NUMB: variants seen among roughly 807,000 people sequenced by gnomAD.
NUMB encodes protein numb homolog.
A neutral mutation model predicts 59.7 loss-of-function variants in NUMB; 29 were observed. The observed-to-expected ratio is 0.49, with a 90% confidence interval of 0.36 to 0.66. The LOEUF (loss-of-function observed/expected upper bound fraction) is 0.66. Among genes scored for constraint, NUMB ranks in the 30% least tolerant of loss-of-function variants. The pLI is 0.00. For synonymous variants in NUMB, 288 were observed against 288.2 expected (o/e 1.00, Z 0.01); for missense variants, 723 against 822.0 (o/e 0.88, Z 1.47).
At position 73,443,884 on chromosome 14, in the gene NUMB, A is replaced by T. The variant is rs117052326; in HGVS notation, c.-233+14609T>A. On this transcript the variant is annotated intron_variant, in intron 1 of 12. Coordinates refer to ENST00000555238, the MANE Select transcript of NUMB (RefSeq NM_001005743.2). ...CCCTCTCGAACTCCTGAGCTCAAGC[A>T]ATCTGCCCTCCTCCACCTCCCAAAG... Among the ~76,000 whole-genome samples the T allele has an allele frequency of 4.2e-3, 635 of 151,860 alleles. 12 individuals are homozygous for T. In the East Asian group the frequency reaches 0.053, roughly 13 times the overall value.
intron 1 of NUMB, among the ~76,000 whole-genome samples, chr14:73,416,173 G>A (rs1259496972): frequency 2.0e-5 from 3 of 152,174 alleles, no homozygotes; most frequent in Non-Finnish European, 4.4e-5. Flanking sequence ...TCTGCCACTA[G>A]AGGAACAGAT....
intron 4 of NUMB, among the ~76,000 whole-genome samples, chr14:73,331,521 C>A (rs1181394414): frequency 6.6e-6 from 1 of 152,056 alleles, no homozygotes; most frequent in African/African-American, 2.4e-5. Flanking sequence ...GCACTCCAGC[C>A]TGGGCAACAG....
At chr14:73,288,671 C>A (rs1431377647) in intron 8 of NUMB, among the ~76,000 whole-genome samples, 1 of 152,042 alleles carries the variant, frequency 6.6e-6, no homozygotes, top group Non-Finnish European at 1.5e-5. Flanking sequence ...ACCAGCCTGA[C>A]CAACATGGAG....
chr14:73,328,395 G>C (rs1446563337), intron 4 of NUMB, among the ~76,000 whole-genome samples: 1 of 151,966 alleles, frequency 6.6e-6, no homozygotes, highest in African/African-American at 2.4e-5. Context: ...AGTATATCTT[G>C]GTTATTTCCG....
At chr14:73,456,504 G>A (rs1374580799) in intron 1 of NUMB, among the ~76,000 whole-genome samples, 2 of 152,248 alleles carry the variant, frequency 1.3e-5, no homozygotes, top group African/African-American at 4.8e-5. Context: ...GTACATACAT[G>A]TAGGAGAAAA....
chr14:73,361,407 C>T (rs1894089828), intron 3 of NUMB, among the ~76,000 whole-genome samples: 1 of 151,972 alleles, frequency 6.6e-6, no homozygotes, highest in South Asian at 2.1e-4. Context: ...AAAGCCTGTG[C>T]TATGATTATA....
At chr14:73,386,911 C>T (rs1487975461) in intron 2 of NUMB, among the ~76,000 whole-genome samples, 3 of 106,922 alleles carry the variant, frequency 2.8e-5, no homozygotes, top group East Asian at 3.5e-4. Context: ...GACGGAGTCT[C>T]GCTCTGTCGC....
intron 4 of NUMB, among the ~76,000 whole-genome samples, chr14:73,351,423 G>T (rs1038992004): frequency 1.3e-5 from 2 of 152,070 alleles, no homozygotes; most frequent in Non-Finnish European, 2.9e-5. Flanking sequence ...AGTGAGCGGG[G>T]GTTGCAGTGA....
Position 73,276,932 on chromosome 14 carries a change from C to A in NUMB, c.1602G>T (p.Met534Ile). The change falls in exon 13 of 13, where the codon ATG (methionine) becomes ATT (isoleucine). Residue 534 changes from methionine (M) to isoleucine (I), a missense_variant. Around this residue, in one of 2 missense-constraint regions of NUMB, gnomAD observed 406 missense variants for 385.4 expected, o/e 1.05. Coordinates refer to ENST00000555238, the MANE Select transcript of NUMB (RefSeq NM_001005743.2). ...CTGCAGTGCCAAATACGTTGGCCAC[C>A]ATCTGGGAGGGAGTGATGCCCACCA... ...VPVVGITPSQMVANVFGTAGH... is the reference protein window; with the variant it reads ...VPVVGITPSQIVANVFGTAGH... The A allele has an allele frequency of 6.2e-7, 1 of 1,614,134 alleles. No individual in the cohort carries two copies. Among genetic ancestry groups the A allele is most frequent in the Non-Finnish European group, 8.5e-7 (1 of 1,180,030 alleles).
chr14:73,328,687 C>CT (rs1213792745), intron 4 of NUMB, among the ~76,000 whole-genome samples: 6 of 152,018 alleles, frequency 3.9e-5, no homozygotes, highest in Non-Finnish European at 5.9e-5. Flanking sequence ...TTATCCACAT[C>CT]TTTTTTTTCT....
intron 2 of NUMB, among the ~76,000 whole-genome samples, chr14:73,390,703 G>A (rs898915925): frequency 1.5e-5 from 2 of 132,700 alleles, no homozygotes; most frequent in Admixed American, 1.7e-4. Context: ...AGGCTGGAGT[G>A]CAGTGGCGTG....
chr14:73,367,296 T>TATATATATATAC (rs1406816784), intron 2 of NUMB, among the ~76,000 whole-genome samples: 6 of 121,010 alleles, frequency 5.0e-5, no homozygotes, highest in African/African-American at 1.8e-4. Flanking sequence ...TATATATATA[T>TATATATATATAC]ACACACACAC....
chr14:73,283,631 C>G (rs1250928540), intron 10 of NUMB, among the ~76,000 whole-genome samples: 1 of 152,226 alleles, frequency 6.6e-6, no homozygotes, highest in Non-Finnish European at 1.5e-5. Context: ...CTAGAGTTTC[C>G]TCCTTATGGA....
At chr14:73,417,528 G>A (rs1399512902) in intron 1 of NUMB, among the ~76,000 whole-genome samples, 1 of 151,314 alleles carries the variant, frequency 6.6e-6, no homozygotes, top group Non-Finnish European at 1.5e-5. Flanking sequence ...CTCCAGCCTG[G>A]GTGACAAAGT....
At chr14:73,308,298 G>T (rs915314326) in intron 6 of NUMB, among the ~76,000 whole-genome samples, 2 of 152,142 alleles carry the variant, frequency 1.3e-5, no homozygotes, top group Non-Finnish European at 2.9e-5. Flanking sequence ...CCAGGGTTTG[G>T]CTAGAGCATA....
At chr14:73,299,369 A>G (rs1461842920) in intron 6 of NUMB, 1 of 152,092 alleles carries the variant, frequency 6.6e-6, no homozygotes, top group African/African-American at 2.4e-5. Flanking sequence ...TAGTATGGGT[A>G]TGCTTCATCC....
intron 11 of NUMB, among the ~76,000 whole-genome samples, chr14:73,280,686 ATTTTTTT>A (rs397852698): frequency 2.3e-5 from 2 of 87,722 alleles, no homozygotes; most frequent in African/African-American, 4.7e-5. Flanking sequence ...TGTTGGTACT[ATTTTTTT>A]TTTTTTTTTT....
At chr14:73,430,468 A>T (rs1054074099) in intron 1 of NUMB, among the ~76,000 whole-genome samples, 1 of 151,924 alleles carries the variant, frequency 6.6e-6, no homozygotes, top group Non-Finnish European at 1.5e-5. Context: ...CCATTTCTAT[A>T]AAAAAGGTTT....
At chr14:73,390,211 C>A (rs1169139741) in intron 2 of NUMB, among the ~76,000 whole-genome samples, 1 of 152,006 alleles carries the variant, frequency 6.6e-6, no homozygotes, top group African/African-American at 2.4e-5. Flanking sequence ...AAAATGGGAA[C>A]AAGTTGAATA....
Sources: gnomAD v4.1 joint callset for allele counts (sites outside exome capture counted in the v4.1 genomes callset) on GRCh38, gnomAD v4.1.1 for gene constraint, gnomAD v4.1.1 regional missense constraint, MANE v1.5 for transcripts, NCBI Gene and HGNC (gene_info 2026-07-23, HGNC 2026-07-21) for gene names.